The following ABTB2 variants were observed in gnomAD, a reference collection of about 807,000 sequenced individuals.
ABTB2 encodes ankyrin repeat and BTB domain containing 2.
ABTB2 carries 56 observed loss-of-function variants against 104.1 expected under a neutral mutation model. The observed-to-expected ratio is 0.54, with a 90% confidence interval of 0.43 to 0.67. ABTB2 has a LOEUF of 0.67. Ranked by LOEUF, ABTB2 falls within the 30% of genes least tolerant of loss-of-function variation. The pLI, the probability that ABTB2 is intolerant of heterozygous loss-of-function variation, is 0.00. For missense variants in ABTB2, 1,279 were observed against 1,407.7 expected (o/e 0.91, Z 1.46); for synonymous variants, 606 against 608.2 (o/e 1.00, Z 0.05).
chr11:34,339,322 A>G (rs890694055), intron 1 of ABTB2, among the ~76,000 whole-genome samples: 4 of 152,308 alleles, frequency 2.6e-5, no homozygotes, highest in African/African-American at 9.6e-5. Flanking sequence ...AAGGGGAAGA[A>G]GTGTGTGGGC....
At chr11:34,288,920 T>C (rs996023320) in intron 1 of ABTB2, among the ~76,000 whole-genome samples, 5 of 152,200 alleles carry the variant, frequency 3.3e-5, no homozygotes, top group Non-Finnish European at 7.3e-5. Flanking sequence ...ATTAATCACA[T>C]ACTCCCAATC....
chr11:34,167,321 C>A lies in ABTB2; in HGVS notation c.1693G>T (p.Asp565Tyr). The change falls in exon 7 of 17, where the codon GAC (aspartate) becomes TAC (tyrosine). Residue 565 changes from aspartate (D) to tyrosine (Y), a missense_variant. Asp to Tyr is a radical substitution (Grantham distance 160). Transcript: ENST00000435224. ...GTCAGTGAGGTCCAGTGCCGGCTGT[C>A]GGGGTGGATGGAAGGGTGCCTGGGG... ...NSPRHPSIHP[D>Y]SRHWTSLTFA... The A allele has an allele frequency of 6.2e-7, 1 of 1,613,346 alleles. No individual in the cohort carries two copies. Among genetic ancestry groups the A allele is most frequent in the South Asian group, 1.1e-5 (1 of 90,948 alleles).
At chr11:34,167,133 C>T (rs1852811889) in intron 7 of ABTB2, 126 bp downstream of exon 7, 1 of 878,454 alleles carries the variant, frequency 1.1e-6, no homozygotes. Context: ...GTGAGCTGGC[C>T]TCAAGCAGTG....
At chr11:34,208,785 C>T (rs1460244609) in intron 1 of ABTB2, among the ~76,000 whole-genome samples, 6 of 152,098 alleles carry the variant, frequency 3.9e-5, no homozygotes, top group South Asian at 2.1e-4. Context: ...TCTCCCTTCT[C>T]ATCCACCTCC....
intron 1 of ABTB2, among the ~76,000 whole-genome samples, chr11:34,286,430 T>C (rs61880457): frequency 2.0e-5 from 3 of 152,014 alleles, no homozygotes; most frequent in South Asian, 2.1e-4. Context: ...GTAGCTGGGA[T>C]TACAGGCACC....
At position 34,298,172 on chromosome 11, in the gene ABTB2, C is replaced by T. The variant is rs2611119; in HGVS notation, c.883+58529G>A. Among the ~76,000 whole-genome samples, 1,160 of 151,490 alleles carry T rather than the reference C, an allele frequency of 7.7e-3. 7 individuals carry two copies. Among genetic ancestry groups the T allele is most frequent in the African/African-American group, 0.021 (857 of 41,314 alleles). On this transcript the variant is annotated intron_variant, in intron 1 of 16. Coordinates refer to ENST00000435224, the MANE Select transcript of ABTB2 (RefSeq NM_145804.3). ...GACTAAGACACTCAGAGAAACCAAA[C>T]TGACTTGCCCAAGATCTCACTTGGT...
intron 1 of ABTB2, among the ~76,000 whole-genome samples, chr11:34,291,378 C>T (rs17257330): frequency 0.023 from 3,551 of 152,344 alleles, 61 homozygotes; most frequent in Non-Finnish European, 0.034. Flanking sequence ...CAGCAGAACA[C>T]ATGGGCTGTA....
chr11:34,262,392 T>C (rs1037847885), intron 1 of ABTB2, among the ~76,000 whole-genome samples: 8 of 152,198 alleles, frequency 5.3e-5, no homozygotes, highest in African/African-American at 1.9e-4. Flanking sequence ...CTTGAGGTCA[T>C]GCTGCTACAT....
intron 1 of ABTB2, among the ~76,000 whole-genome samples, chr11:34,323,655 G>A (rs1855031908): frequency 1.3e-5 from 2 of 152,116 alleles, no homozygotes; most frequent in Non-Finnish European, 2.9e-5. Context: ...TTATCACTAT[G>A]TGAAGTCATC....
chr11:34,301,328 T>C (rs1405822737), intron 1 of ABTB2, among the ~76,000 whole-genome samples: 1 of 152,196 alleles, frequency 6.6e-6, no homozygotes, highest in Non-Finnish European at 1.5e-5. Flanking sequence ...AAATTGTGTT[T>C]TCAGGTCCTG....
At chr11:34,163,326 G>A (rs960009113) in intron 9 of ABTB2, among the ~76,000 whole-genome samples, 1 of 152,204 alleles carries the variant, frequency 6.6e-6, no homozygotes, top group African/African-American at 2.4e-5. Flanking sequence ...TGTTGATAAG[G>A]ATGAACTGAA....
chr11:34,277,758 A>T (rs1056702856), intron 1 of ABTB2, among the ~76,000 whole-genome samples: 2 of 149,046 alleles, frequency 1.3e-5, no homozygotes, highest in African/African-American at 4.9e-5. Context: ...ACAGAGCAAG[A>T]CTCTGTCTCA....
chr11:34,343,806 C>T (rs1331793933), intron 1 of ABTB2, among the ~76,000 whole-genome samples: 3 of 152,124 alleles, frequency 2.0e-5, no homozygotes, highest in South Asian at 2.1e-4. Flanking sequence ...CCAGATAATA[C>T]TAACGTGAAT....
chr11:34,308,713 T>C (rs141955470), intron 1 of ABTB2, among the ~76,000 whole-genome samples: 104 of 151,614 alleles, frequency 6.9e-4, no homozygotes, highest in African/African-American at 2.4e-3. Context: ...GCACTAAAAA[T>C]ACAAAAATTA....
At chr11:34,308,804 G>T (rs1366010602) in intron 1 of ABTB2, among the ~76,000 whole-genome samples, 6 of 141,848 alleles carry the variant, frequency 4.2e-5, no homozygotes, top group Non-Finnish European at 9.0e-5. Flanking sequence ...CCAAGAGGTG[G>T]AAGTTGCAGT....
intron 1 of ABTB2, among the ~76,000 whole-genome samples, chr11:34,269,191 G>T (rs899178054): frequency 1.3e-5 from 2 of 152,178 alleles, no homozygotes; most frequent in Admixed American, 1.3e-4. Flanking sequence ...GTTGCTAAAA[G>T]GGGGATTGGT....
chr11:34,297,444 AT>A (rs983131243), intron 1 of ABTB2, among the ~76,000 whole-genome samples: 14 of 152,220 alleles, frequency 9.2e-5, no homozygotes, highest in East Asian at 5.8e-4. Flanking sequence ...AATCTACCCA[AT>A]TTTTATCATC....
chr11:34,172,056 C>G (rs1590206254), intron 4 of ABTB2, among the ~76,000 whole-genome samples: 1 of 151,842 alleles, frequency 6.6e-6, no homozygotes, highest in South Asian at 2.1e-4. Flanking sequence ...AGGCCATAAC[C>G]TGGGTTTTGG....
At chr11:34,256,060 C>G (rs1854118601) in intron 1 of ABTB2, among the ~76,000 whole-genome samples, 1 of 152,026 alleles carries the variant, frequency 6.6e-6, no homozygotes, top group Non-Finnish European at 1.5e-5. Context: ...CACAAAACAC[C>G]CTGGCACTAG....
Sources: allele counts gnomAD v4.1 joint callset (sites outside exome capture counted in the v4.1 genomes callset), GRCh38; gene constraint gnomAD v4.1.1; transcripts MANE v1.5; gene names NCBI Gene and HGNC (gene_info 2026-07-23, HGNC 2026-07-21).